Variants in LRRTM4 observed in about 807,000 individuals in gnomAD.
The protein encoded by LRRTM4 is leucine rich repeat transmembrane neuronal 4, also known as leucine-rich repeat transmembrane neuronal protein 4.
In LRRTM4, 25 loss-of-function variants were observed where a neutral mutation model predicts 47.6. The ratio of observed to expected loss-of-function variants is 0.53; its 90% CI spans 0.38 to 0.73. LRRTM4 has a LOEUF of 0.73. LRRTM4 is among the 30% of genes least tolerant of loss of function. The probability of loss-of-function intolerance (pLI) is 0.00; values close to 1 mark genes in which losing one functional copy is unlikely to be tolerated. For missense variants in LRRTM4, 638 were observed against 713.4 expected, an observed-to-expected ratio of 0.89 and a Z score of 1.20; for synonymous variants, 311 against 269.5, an observed-to-expected ratio of 1.15 and a Z score of -1.51.
chr2:76,811,463 G>C (rs562460702), intron 3 of LRRTM4, among the ~76,000 whole-genome samples: 1 of 152,270 alleles, frequency 6.6e-6, no homozygotes, highest in South Asian at 2.1e-4. Flanking sequence ...CAAGCTGTCT[G>C]AGAATTCAGA....
chr2:77,027,846 A>G (rs1439414569), intron 3 of LRRTM4, among the ~76,000 whole-genome samples: 1 of 152,142 alleles, frequency 6.6e-6, no homozygotes, highest in Non-Finnish European at 1.5e-5. Flanking sequence ...TTATATATTC[A>G]ATATCCAAAA....
rs60861644 is a variant in LRRTM4 at position 77,413,843 on chromosome 2, T to TACAC, written c.1551+104471_1551+104474dup. Among the ~76,000 whole-genome samples the TACAC allele has an allele frequency of 8.8e-3, 1,317 of 150,348 alleles. 20 individuals are homozygous for TACAC. The highest frequency in any genetic ancestry group is 0.028 in the African/African-American group (1,154 of 40,916). ...ACATTGATATTTCTGTCTAGTTTTA[T>TACAC]ACACACACACACACACACACACACA... On this transcript the variant is annotated intron_variant, in intron 3 of 3. Coordinates refer to ENST00000409884, the MANE Select transcript of LRRTM4 (RefSeq NM_001134745.3).
At chr2:76,974,131 C>CATATATATACATATATATACATACAT (rs1676314580) in intron 3 of LRRTM4, among the ~76,000 whole-genome samples, 1 of 120,950 alleles carries the variant, frequency 8.3e-6, no homozygotes, top group Non-Finnish European at 1.6e-5. Context: ...CACATTTGCT[C>CATATATATACATATATATACATACAT]ATATATATAC....
intron 3 of LRRTM4, among the ~76,000 whole-genome samples, chr2:76,843,803 T>A (rs1454188899): frequency 6.6e-6 from 1 of 152,180 alleles, no homozygotes; most frequent in Non-Finnish European, 1.5e-5. Flanking sequence ...CTTATATGTA[T>A]CTTCAAAATT....
At chr2:76,876,563 C>T (rs1367963803) in intron 3 of LRRTM4, among the ~76,000 whole-genome samples, 6 of 151,958 alleles carry the variant, frequency 3.9e-5, no homozygotes, top group African/African-American at 7.2e-5. Context: ...ATGATGTCTA[C>T]GAGTTTTCGT....
intron 3 of LRRTM4, among the ~76,000 whole-genome samples, chr2:77,017,926 C>T (rs181369340): frequency 6.6e-5 from 10 of 151,726 alleles, no homozygotes; most frequent in Admixed American, 3.9e-4. Context: ...TTAGCTCAAA[C>T]GAGATAAGAT....
intron 3 of LRRTM4, among the ~76,000 whole-genome samples, chr2:77,053,665 T>A (rs909957043): frequency 2.0e-5 from 3 of 152,142 alleles, no homozygotes; most frequent in Non-Finnish European, 1.5e-5. Flanking sequence ...AGTCCCCTTT[T>A]ATCTGCTAGA....
At chr2:77,356,324 G>A (rs1217430133) in intron 3 of LRRTM4, among the ~76,000 whole-genome samples, 1 of 152,144 alleles carries the variant, frequency 6.6e-6, no homozygotes, top group East Asian at 1.9e-4. Flanking sequence ...GCTTGACGTT[G>A]TAAGTATCTA....
intron 3 of LRRTM4, among the ~76,000 whole-genome samples, chr2:77,513,253 GTTCT>G (rs1261807930): frequency 6.6e-6 from 1 of 152,132 alleles, no homozygotes; most frequent in African/African-American, 2.4e-5. Flanking sequence ...AACTGAAGAA[GTTCT>G]TTCTTTTCTC....
At chr2:76,927,036 A>G (rs1674610074) in intron 3 of LRRTM4, among the ~76,000 whole-genome samples, 1 of 152,180 alleles carries the variant, frequency 6.6e-6, no homozygotes, top group South Asian at 2.1e-4. Flanking sequence ...TACAAATTGC[A>G]AATAGGCAAT....
chr2:77,097,611 A>G (rs921951712), intron 3 of LRRTM4, among the ~76,000 whole-genome samples: 7 of 151,950 alleles, frequency 4.6e-5, no homozygotes, highest in Non-Finnish European at 7.4e-5. Context: ...ATTAAAAGAG[A>G]AGTCATATTG....
intron 3 of LRRTM4, among the ~76,000 whole-genome samples, chr2:76,857,054 G>T (rs577664386): frequency 6.6e-6 from 1 of 151,714 alleles, no homozygotes; most frequent in African/African-American, 2.4e-5. Flanking sequence ...CAAAAGTACA[G>T]TTGACCCTTG....
At chr2:76,791,028 A>G (rs1289961756) in intron 3 of LRRTM4, among the ~76,000 whole-genome samples, 1 of 152,180 alleles carries the variant, frequency 6.6e-6, no homozygotes, top group Non-Finnish European at 1.5e-5. Context: ...GATGGTTACA[A>G]TGATAAAGAG....
At chr2:77,112,321 C>A (rs2103937142) in intron 3 of LRRTM4, among the ~76,000 whole-genome samples, 1 of 152,126 alleles carries the variant, frequency 6.6e-6, no homozygotes, top group South Asian at 2.1e-4. Context: ...TCTTGAATAA[C>A]CAAGAAAGAA....
intron 3 of LRRTM4, among the ~76,000 whole-genome samples, chr2:76,924,227 A>G (rs542705255): frequency 6.6e-6 from 1 of 152,134 alleles, no homozygotes; most frequent in Non-Finnish European, 1.5e-5. Context: ...AGCAAAAAAT[A>G]TATATAATAG....
chr2:77,495,455 A>G (rs999378302), intron 3 of LRRTM4, among the ~76,000 whole-genome samples: 3 of 152,048 alleles, frequency 2.0e-5, no homozygotes, highest in African/African-American at 4.8e-5. Context: ...TGTCATATAT[A>G]ATAAATACTT....
intron 3 of LRRTM4, among the ~76,000 whole-genome samples, chr2:77,234,439 A>G (rs185348058): frequency 5.8e-4 from 88 of 152,322 alleles, no homozygotes; most frequent in African/African-American, 2.0e-3. Flanking sequence ...ATGGTAGAAT[A>G]TATGTCTACA....
intron 3 of LRRTM4, among the ~76,000 whole-genome samples, chr2:76,848,257 C>T (rs1035356586): frequency 6.6e-6 from 1 of 152,112 alleles, no homozygotes; most frequent in Non-Finnish European, 1.5e-5. Context: ...ATACTAAACA[C>T]TGTAATTCAT....
chr2:76,870,795 C>A (rs970699114), intron 3 of LRRTM4, among the ~76,000 whole-genome samples: 2 of 152,164 alleles, frequency 1.3e-5, no homozygotes, highest in East Asian at 3.9e-4. Context: ...TGTGGTGCAA[C>A]CCTATGCTTA....
Sources: allele counts gnomAD v4.1 joint callset (sites outside exome capture counted in the v4.1 genomes callset), GRCh38; gene constraint gnomAD v4.1.1; transcripts MANE v1.5; gene names NCBI Gene and HGNC (gene_info 2026-07-23, HGNC 2026-07-21).